Variants in CACNA2D4 observed in about 807,000 individuals in gnomAD.
The protein encoded by CACNA2D4 is calcium voltage-gated channel auxiliary subunit alpha2delta 4.
A neutral mutation model predicts 163.8 loss-of-function variants in CACNA2D4; 157 were observed. The observed-to-expected ratio is 0.96, with a 90% CI of 0.84 to 1.09. The LOEUF (loss-of-function observed/expected upper bound fraction) is 1.09, where lower values mean the gene tolerates loss of function less well. CACNA2D4 is among the 50% of genes least tolerant of loss of function. The pLI is 0.00. For synonymous variants in CACNA2D4, 598 were observed against 586.9 expected (o/e 1.02, Z -0.27); for missense variants, 1,410 against 1,479.9 (o/e 0.95, Z 0.78).
intron 18 of CACNA2D4, among the ~76,000 whole-genome samples, chr12:1,868,701 C>T (rs1865707215): frequency 6.6e-6 from 1 of 151,852 alleles, no homozygotes; most frequent in Non-Finnish European, 1.5e-5. Context: ...TGTAGTCATC[C>T]CTTCACTTCA....
chr12:1,886,325 G>A lies in CACNA2D4; in HGVS notation c.891C>T (p.Asp297=), dbSNP rs757244098. 1.1e-5 allele frequency: 17 copies of A among 1,613,808 alleles called. No individual in the cohort carries two copies. Among genetic ancestry groups the A allele is most frequent in the Middle Eastern group, 1.6e-4 (1 of 6,062 alleles). The change falls in exon 8 of 38, where the codon GAC becomes GAT. Residue 297 remains aspartate (D), a synonymous_variant. Coordinates refer to ENST00000382722, the MANE Select transcript of CACNA2D4 (RefSeq NM_172364.5). The stretch of plus-strand genomic sequence containing the variant: ...TCAGCCCCTTCATACTGCCGCTCAC[G>A]TCCACCAAAATCACTATGTCCTTGG... ...TSPKDIVILV[D]VSGSMKGLRM...
rs762809357 is a variant in CACNA2D4 at position 1,854,001 on chromosome 12, C to T, written c.2196G>A (p.Val732=). Residue 732 remains valine (V), a synonymous_variant, in exon 23 of 38, where the codon GTG becomes GTA. Transcript: ENST00000382722. ...LVREVLFDAV[V]TAPMEAYWTA... ...TCCAGTAGGCTTCCATGGGGGCTGT[C>T]ACCACCGCGTCAAACAGCACCTCCC... The T allele has an allele frequency of 2.4e-5, 38 of 1,612,944 alleles. No homozygotes were observed. In the South Asian group the frequency reaches 4.1e-4, roughly 17 times the overall value.
In CACNA2D4 at chr12:1,812,276, C is replaced by T. The variant is rs183285878; in HGVS notation, c.2552-553G>A. On this transcript the variant is annotated intron_variant, in intron 26 of 37. Coordinates refer to ENST00000382722, the MANE Select transcript of CACNA2D4 (RefSeq NM_172364.5). ...CTCTTTTCCAGCTCAAAGCCAGGTT[C>T]GGGTTTGCCCAGGGCTGCAGGTGGG... is the stretch of plus-strand genomic sequence containing the variant. Among the ~76,000 whole-genome samples the T allele has an allele frequency of 5.9e-5, 9 of 152,310 alleles. No homozygotes were observed. In the East Asian group the frequency reaches 1.4e-3, roughly 23 times the overall value.
At chr12:1,851,111 A>G (rs1364500887) in intron 23 of CACNA2D4, among the ~76,000 whole-genome samples, 1 of 151,912 alleles carries the variant, frequency 6.6e-6, no homozygotes, top group Non-Finnish European at 1.5e-5. Context: ...TTGAACTTTC[A>G]GGCTAAAGTG....
At chr12:1,886,643 G>C (rs936948323) in intron 7 of CACNA2D4, among the ~76,000 whole-genome samples, 1 of 152,140 alleles carries the variant, frequency 6.6e-6, no homozygotes, top group Non-Finnish European at 1.5e-5. Flanking sequence ...GACCAACCGG[G>C]GTCCCTGAGG....
chr12:1,821,789 C>T (rs1295879619), intron 26 of CACNA2D4, among the ~76,000 whole-genome samples: 2 of 152,278 alleles, frequency 1.3e-5, no homozygotes, highest in East Asian at 3.9e-4. Flanking sequence ...CCTGCACCTC[C>T]CTGCAGGTCT....
In CACNA2D4 at chr12:1,829,883, G is replaced by T. The variant is rs61909414; in HGVS notation, c.2551+10856C>A. On this transcript the variant is annotated intron_variant, in intron 26 of 37. Coordinates refer to ENST00000382722, the MANE Select transcript of CACNA2D4 (RefSeq NM_172364.5). The surrounding 1 kb of genome is among the most constrained non-coding windows in gnomAD (Gnocchi z 4.2). ...TGAATTCTTCCCAGTTCTCTTTCAC[G>T]ATGAGCAGGCTTCTCTGCTACTCAG... Among the ~76,000 whole-genome samples, 42 of 152,212 alleles carry T rather than the reference G, an allele frequency of 2.8e-4. No individual in the cohort carries two copies. The highest frequency in any genetic ancestry group is 9.9e-4 in the African/African-American group (41 of 41,542).
rs1191718385 is a variant in CACNA2D4, at chr12:1,793,520, A to G, written c.*135T>C. The stretch of plus-strand genomic sequence containing the variant: ...CCAGCATTCTCCGGAGCCAGGGGCC[A>G]CCAGCCCAGGATTGAGAGGAGCGTT... On this transcript the variant is annotated 3_prime_UTR_variant, in exon 38 of 38. Coordinates refer to ENST00000382722, the MANE Select transcript of CACNA2D4 (RefSeq NM_172364.5). 1.3e-6 allele frequency: 1 copy of G among 754,942 alleles called. No homozygotes were observed. Among genetic ancestry groups the G allele is most frequent in the Non-Finnish European group, 2.3e-6 (1 of 426,636 alleles). The allele number at this position is 754,942 out of a possible 1,614,324, so 46.8% of individuals were successfully genotyped here.
At chr12:1,882,809 C>T in intron 13 of CACNA2D4, 58 bp downstream of exon 13, 8 of 1,597,144 alleles carry the variant, frequency 5.0e-6, no homozygotes, top group Middle Eastern at 1.7e-4. Flanking sequence ...CTTCTTACTC[C>T]CTGGGGTCCC....
At chr12:1,800,837 C>T (rs1863293705) in intron 31 of CACNA2D4, 1 of 603,544 alleles carries the variant, frequency 1.7e-6, no homozygotes, top group Non-Finnish European at 2.9e-6. Flanking sequence ...AGAGCAGTCC[C>T]TCTGAAGCCC....
At chr12:1,831,372 C>T in intron 26 of CACNA2D4, 1 of 1,614,062 alleles carries the variant, frequency 6.2e-7, no homozygotes, top group Non-Finnish European at 8.5e-7. Flanking sequence ...TCTGCGCTCC[C>T]TCTCGCTTCG....
At chr12:1,825,111 G>A (rs1201651980) in intron 26 of CACNA2D4, among the ~76,000 whole-genome samples, 6 of 152,214 alleles carry the variant, frequency 3.9e-5, no homozygotes, top group Non-Finnish European at 7.3e-5. Context: ...GGGACTTGCC[G>A]GACTTGTGCA....
intron 3 of CACNA2D4, among the ~76,000 whole-genome samples, chr12:1,910,463 C>CG (rs56009461): frequency 0.91 from 138,807 of 152,258 alleles, 63,417 homozygotes; most frequent in East Asian, 1. Flanking sequence ...ATGTTGATAG[C>CG]GGGGAAGGCT....
rs1302873535 is a variant in CACNA2D4 at position 1,818,137 on chromosome 12, C to A, written c.2552-6414G>T. ...GAGGAGCGTCTCTTCCCGGCCGCGA[C>A]CCCGTCTGGGAAGTGAGGAGCCCCT... On this transcript the variant is annotated intron_variant, in intron 26 of 37. Coordinates refer to ENST00000382722, the MANE Select transcript of CACNA2D4 (RefSeq NM_172364.5). Among the ~76,000 whole-genome samples, 3 of 147,362 alleles carry A rather than the reference C, an allele frequency of 2.0e-5. No homozygotes were observed. The Admixed American group carries it at 2.0e-4, about 10-fold the overall frequency.
intron 26 of CACNA2D4, among the ~76,000 whole-genome samples, chr12:1,825,795 G>C (rs1463454000): frequency 3.9e-5 from 6 of 152,084 alleles, no homozygotes; most frequent in Non-Finnish European, 8.8e-5. Flanking sequence ...AGTCGCCAGG[G>C]AGTGATGAGC....
intron 4 of CACNA2D4, 52 bp from the exon 5 acceptor site, chr12:1,908,089 GGA>G (rs1866711715): frequency 6.4e-7 from 1 of 1,550,492 alleles, no homozygotes; most frequent in African/African-American, 1.4e-5. Context: ...CGGGACAGGC[GGA>G]GAGAGAGGAA....
chr12:1,872,557 G>A (rs1023929888), intron 18 of CACNA2D4, among the ~76,000 whole-genome samples: 1 of 152,236 alleles, frequency 6.6e-6, no homozygotes, highest in East Asian at 1.9e-4. Context: ...AGCTGAGAGG[G>A]AGGGCTGGGA....
At chr12:1,824,379 T>A (rs1037485306) in intron 26 of CACNA2D4, among the ~76,000 whole-genome samples, 10 of 152,196 alleles carry the variant, frequency 6.6e-5, no homozygotes, top group African/African-American at 2.2e-4. Context: ...CACTTTGAGT[T>A]GCAATGGTCT....
intron 23 of CACNA2D4, among the ~76,000 whole-genome samples, chr12:1,853,726 T>C (rs1246882319): frequency 6.6e-6 from 1 of 152,196 alleles, no homozygotes; most frequent in African/African-American, 2.4e-5. Context: ...TTTTGGCCAT[T>C]GAAGTCTCAT....
Sources: allele counts gnomAD v4.1 joint callset (sites outside exome capture counted in the v4.1 genomes callset), GRCh38; gene constraint gnomAD v4.1.1; non-coding constraint Gnocchi (gnomAD v3.1); transcripts MANE v1.5; gene names NCBI Gene and HGNC (gene_info 2026-07-23, HGNC 2026-07-21).